The following ATP10B variants were observed in gnomAD, a reference collection of about 807,000 sequenced individuals.
The protein encoded by ATP10B is ATPase phospholipid transporting 10B (putative), also known as phospholipid-transporting ATPase VB.
ATP10B carries 122 observed loss-of-function variants against 141.2 expected under a neutral mutation model. The ratio of observed to expected loss-of-function variants is 0.86; its 90% CI spans 0.75 to 1.00. The LOEUF is 1.00. ATP10B is among the 50% of genes least tolerant of loss of function. ATP10B has a pLI of 0.00. For synonymous variants in ATP10B, 685 were observed against 692.0 expected, an observed-to-expected ratio of 0.99 and a Z score of 0.16; for missense variants, 1,876 against 1,825.3, an observed-to-expected ratio of 1.03 and a Z score of -0.51.
At chr5:160,923,262 G>A in the ATP10B span, among the ~76,000 whole-genome samples, 157 of 152,326 alleles carry the variant, frequency 1.0e-3, 1 homozygote, top group Middle Eastern at 3.4e-3. Context: ...TCTTGTGGTG[G>A]AAGAGGAAGA....
At chr5:160,858,208 C>G in the ATP10B span, among the ~76,000 whole-genome samples, 1 of 151,704 alleles carries the variant, frequency 6.6e-6, no homozygotes, top group Non-Finnish European at 1.5e-5. Context: ...GAGCTTTTGA[C>G]CATTATATAA....
intron 3 of ATP10B, 80 bp downstream of exon 3, chr5:160,716,829 G>C (rs1237451896): frequency 1.1e-6 from 1 of 890,408 alleles, no homozygotes; most frequent in East Asian, 1.2e-4. Flanking sequence ...TGAACCAAAG[G>C]ACTATTGGAG....
chr5:160,697,075 A>G (rs1764407842), intron 3 of ATP10B, among the ~76,000 whole-genome samples: 1 of 152,178 alleles, frequency 6.6e-6, no homozygotes. Flanking sequence ...TCCTTTTTCC[A>G]CATTTTAATA....
the ATP10B span, among the ~76,000 whole-genome samples, chr5:160,900,717 GC>G: frequency 6.6e-6 from 1 of 152,012 alleles, no homozygotes; most frequent in Non-Finnish European, 1.5e-5. Context: ...TTAAGATTAG[GC>G]CATATGTATA....
chr5:160,607,020 G>A lies in ATP10B; in HGVS notation c.2905C>T (p.Pro969Ser). ...CGGAATCCAAAGAGCTTGCGGTCTG[G>A]CTTCTGTAGTTCACGAAATTGCTTT... ...ELKQFRELQK[P>S]DRKLFGFRLP... Residue 969 changes from proline (P) to serine (S), a missense_variant, in exon 19 of 26, where the codon CCA (proline) becomes TCA (serine). Physicochemically the swap from Pro to Ser is moderately conservative, Grantham distance 74 (BLOSUM62 -1). Coordinates refer to ENST00000327245, the MANE Select transcript of ATP10B (RefSeq NM_025153.3). 1 of 1,614,138 alleles carries A rather than the reference G, an allele frequency of 6.2e-7. No individual in the cohort carries two copies. Among genetic ancestry groups the A allele is most frequent in the Non-Finnish European group, 8.5e-7 (1 of 1,180,012 alleles).
chr5:160,895,394 G>T, the ATP10B span, among the ~76,000 whole-genome samples: 3 of 151,952 alleles, frequency 2.0e-5, no homozygotes, highest in Non-Finnish European at 4.4e-5. Context: ...AAAATGAGGG[G>T]TTGCAATCCC....
chr5:160,716,862 C>T (rs1394054255), intron 3 of ATP10B, 47 bp downstream of exon 3: 2 of 976,180 alleles, frequency 2.0e-6, no homozygotes, highest in African/African-American at 3.5e-5. Flanking sequence ...CAGTCATGTT[C>T]CACATAGGAA....
intron 2 of ATP10B, among the ~76,000 whole-genome samples, chr5:160,762,662 C>A (rs1463385350): frequency 1.4e-5 from 2 of 147,944 alleles, no homozygotes; most frequent in Non-Finnish European, 1.5e-5. Flanking sequence ...AAAAAAAAAC[C>A]CACAAAGTAT....
chr5:160,573,817 C>T (rs1755025627), intron 24 of ATP10B, among the ~76,000 whole-genome samples: 1 of 152,122 alleles, frequency 6.6e-6, no homozygotes, highest in Admixed American at 6.5e-5. Flanking sequence ...AGACATAGCT[C>T]TAGTAGGTTC....
chr5:160,751,520 C>T (rs751577103), intron 2 of ATP10B, among the ~76,000 whole-genome samples: 3 of 152,002 alleles, frequency 2.0e-5, no homozygotes, highest in Non-Finnish European at 4.4e-5. Context: ...AAGCATATCT[C>T]TTCCTATAAC....
At chr5:160,842,298 C>T (rs989666444) in intron 1 of ATP10B, among the ~76,000 whole-genome samples, 9 of 151,898 alleles carry the variant, frequency 5.9e-5, no homozygotes, top group Admixed American at 1.3e-4. Flanking sequence ...AATGAATATA[C>T]GGCATATCAA....
chr5:160,609,301 G>A (rs570003505), intron 18 of ATP10B, among the ~76,000 whole-genome samples: 1 of 152,106 alleles, frequency 6.6e-6, no homozygotes, highest in East Asian at 1.9e-4. Flanking sequence ...TGTGAAAGCA[G>A]TTCTGAAGGG....
intron 1 of ATP10B, among the ~76,000 whole-genome samples, chr5:160,827,616 T>C (rs1317982741): frequency 1.3e-5 from 2 of 152,368 alleles, no homozygotes; most frequent in South Asian, 2.1e-4. Context: ...TTTGTTGCAA[T>C]GGCTTTTGGG....
Position 160,730,761 on chromosome 5 carries a change from C to T in ATP10B, c.-330-13727G>A, listed in dbSNP as rs1228626741. The stretch of plus-strand genomic sequence containing the variant: ...TCTGAAAACTGCACCTTTCCAGTCC[C>T]AGCACCATGTTTCCATATATGACCC... On this transcript the variant is annotated intron_variant, in intron 2 of 25. Coordinates refer to ENST00000327245, the MANE Select transcript of ATP10B (RefSeq NM_025153.3). Among the ~76,000 whole-genome samples the T allele has an allele frequency of 2.6e-5, 4 of 152,128 alleles. No homozygotes were observed. In the East Asian group the frequency reaches 5.8e-4, roughly 22 times the overall value.
chr5:160,911,466 AG>A, the ATP10B span, among the ~76,000 whole-genome samples: 1 of 152,224 alleles, frequency 6.6e-6, no homozygotes, highest in African/African-American at 2.4e-5. Context: ...AAATGTGGCC[AG>A]GGTGCTTGAG....
chr5:160,814,245 T>C (rs1325840945), intron 1 of ATP10B, among the ~76,000 whole-genome samples: 1 of 152,018 alleles, frequency 6.6e-6, no homozygotes, highest in Non-Finnish European at 1.5e-5. Context: ...AAAAAAAAAT[T>C]AGATGAATGG....
chr5:160,873,899 C>T, the ATP10B span, among the ~76,000 whole-genome samples: 3 of 152,226 alleles, frequency 2.0e-5, no homozygotes, highest in Non-Finnish European at 4.4e-5. Flanking sequence ...CACGGAGTCT[C>T]GCTGATTGCT....
At chr5:160,665,791 T>C (rs1762285360) in intron 7 of ATP10B, among the ~76,000 whole-genome samples, 1 of 152,176 alleles carries the variant, frequency 6.6e-6, no homozygotes, top group Admixed American at 6.5e-5. Context: ...TGTGGGTATA[T>C]ATGTGGGGTT....
chr5:160,743,245 T>C (rs961856217), intron 2 of ATP10B, among the ~76,000 whole-genome samples: 2 of 152,218 alleles, frequency 1.3e-5, no homozygotes, highest in African/African-American at 2.4e-5. Context: ...GGTCTGATTA[T>C]GCAGTTTCAA....
Sources: gnomAD v4.1 joint callset for allele counts (sites outside exome capture counted in the v4.1 genomes callset) on GRCh38, gnomAD v4.1.1 for gene constraint, MANE v1.5 for transcripts, NCBI Gene and HGNC (gene_info 2026-07-23, HGNC 2026-07-21) for gene names.